The following PCDHA10 variants were observed in gnomAD, a reference collection of about 807,000 sequenced individuals.
PCDHA10 encodes the protein protocadherin alpha 10.
PCDHA10 carries 45 observed loss-of-function variants against 61.2 expected under a neutral mutation model. The ratio of observed to expected loss-of-function variants is 0.74; its 90% CI spans 0.58 to 0.94. The LOEUF (loss-of-function observed/expected upper bound fraction) is 0.94. Ranked by LOEUF, PCDHA10 falls within the 40% of genes least tolerant of loss-of-function variation. The pLI, the probability that PCDHA10 is intolerant of heterozygous loss-of-function variation, is 0.00. For missense variants in PCDHA10, 1,278 were observed against 1,236.2 expected (o/e 1.03, Z -0.51); for synonymous variants, 602 against 548.8 (o/e 1.10, Z -1.35).
chr5:140,870,339 G>A (rs1554164098), intron 1 of PCDHA10: 1 of 1,614,064 alleles, frequency 6.2e-7, no homozygotes, highest in East Asian at 2.2e-5. Context: ...ACAGCGCCCT[G>A]GACCGCGAGA....
intron 1 of PCDHA10, chr5:140,871,257 G>A (rs374337862): frequency 1.2e-6 from 2 of 1,613,940 alleles, no homozygotes; most frequent in Admixed American, 1.7e-5. Context: ...TGCTGTATAC[G>A]GCGCTGTGGT....
At chr5:140,893,987 T>A (rs112405686) in intron 1 of PCDHA10, among the ~76,000 whole-genome samples, 1 of 152,202 alleles carries the variant, frequency 6.6e-6, no homozygotes, top group Non-Finnish European at 1.5e-5. Context: ...TTTTAAAATA[T>A]CTCCAATTGT....
chr5:140,891,602 T>G (rs1002471186), intron 1 of PCDHA10, among the ~76,000 whole-genome samples: 16 of 152,184 alleles, frequency 1.1e-4, no homozygotes, highest in Non-Finnish European at 1.8e-4. Context: ...TCCCATCTAT[T>G]TCTACCTTTT....
intron 1 of PCDHA10, chr5:140,870,429 G>T (rs1198109995): frequency 6.2e-7 from 1 of 1,614,238 alleles, no homozygotes; most frequent in African/African-American, 1.3e-5. Flanking sequence ...GGGTATCCGT[G>T]GAGGTGGCCG....
intron 1 of PCDHA10, among the ~76,000 whole-genome samples, chr5:140,935,731 T>C (rs923257790): frequency 2.6e-5 from 4 of 152,202 alleles, no homozygotes; most frequent in Non-Finnish European, 4.4e-5. Context: ...AGAAGTCTAG[T>C]ATCTATTATT....
In PCDHA10 at chr5:140,936,310, T is replaced by C. The variant is rs541948860; in HGVS notation, c.2389-42639T>C. 5.3e-5 allele frequency among the ~76,000 whole-genome samples: 8 copies of C among 152,318 alleles called. No individual in the cohort carries two copies. The South Asian group carries it at 1.4e-3, about 28-fold the overall frequency. ...TATAACATTGCTATCCAATAGAACT[T>C]TCTGACATGCTATAAATTTTCTCTA... On this transcript the variant is annotated intron_variant, in intron 1 of 3. Transcript: ENST00000307360.
In PCDHA10 at chr5:140,857,593, G is replaced by C. The variant is rs782606088; in HGVS notation, c.1545G>C (p.Lys515Asn). ...SYVSVHAESG[K>N]VYALQPLDHE... is the part of the protein sequence containing the mutation. ...TGTCGGTGCACGCGGAGAGCGGCAAGGTGTACGCGCTGCAGCCGCTGGACC... is the reference window on the plus strand; with the variant it reads ...TGTCGGTGCACGCGGAGAGCGGCAACGTGTACGCGCTGCAGCCGCTGGACC... Residue 515 changes from lysine (K) to asparagine (N), a missense_variant, in exon 1 of 4, where the codon AAG (lysine) becomes AAC (asparagine). By Grantham distance (94) the Lys-to-Asn change is moderately conservative. Coordinates refer to ENST00000307360, the MANE Select transcript of PCDHA10 (RefSeq NM_018901.4). 2.5e-6 allele frequency: 4 copies of C among 1,596,536 alleles called. No individual in the cohort carries two copies. The East Asian group carries it at 6.7e-5, about 27-fold the overall frequency.
At chr5:140,941,406 T>C (rs1381146519) in intron 1 of PCDHA10, among the ~76,000 whole-genome samples, 1 of 146,240 alleles carries the variant, frequency 6.8e-6, no homozygotes, top group Non-Finnish European at 1.5e-5. Context: ...AACCTCCGCC[T>C]CCCGGGTTCA....
At chr5:140,897,175 G>A (rs1293904744) in intron 1 of PCDHA10, among the ~76,000 whole-genome samples, 3 of 151,828 alleles carry the variant, frequency 2.0e-5, no homozygotes, top group Admixed American at 6.6e-5. Flanking sequence ...ATCTCCATGG[G>A]TTCAAAAAAT....
chr5:140,871,419 C>A (rs1554165566), intron 1 of PCDHA10: 1 of 1,613,732 alleles, frequency 6.2e-7, no homozygotes. Flanking sequence ...TGGCCTTCAG[C>A]CCCAGTCTTC....
At chr5:140,888,394 C>T (rs1554183448) in intron 1 of PCDHA10, among the ~76,000 whole-genome samples, 2 of 152,134 alleles carry the variant, frequency 1.3e-5, no homozygotes, top group African/African-American at 2.4e-5. Flanking sequence ...TGCTAAACAC[C>T]ATCCAATTGC....
intron 1 of PCDHA10, chr5:140,928,443 G>A: frequency 6.2e-7 from 1 of 1,614,184 alleles, no homozygotes. Context: ...ACTTTGAGCA[G>A]CTCAGGGGGT....
At position 141,010,044 on chromosome 5, in the gene PCDHA10, G is replaced by C; in HGVS notation, c.*107G>C. Reference sequence around the variant, plus strand: ...TTTCCTATCTACATGAGCCCTCTTAGAGACCTCAGAAATCTGCAGAAAGTT... The same window carrying C: ...TTTCCTATCTACATGAGCCCTCTTACAGACCTCAGAAATCTGCAGAAAGTT... On this transcript the variant is annotated 3_prime_UTR_variant, in exon 4 of 4. Coordinates refer to ENST00000307360, the MANE Select transcript of PCDHA10 (RefSeq NM_018901.4). 1.3e-6 allele frequency: 2 copies of C among 1,594,604 alleles called. No individual in the cohort carries two copies. Among genetic ancestry groups the C allele is most frequent in the Non-Finnish European group, 1.7e-6 (2 of 1,171,226 alleles).
At chr5:140,998,738 A>G (rs1163158052) in intron 3 of PCDHA10, among the ~76,000 whole-genome samples, 1 of 151,972 alleles carries the variant, frequency 6.6e-6, no homozygotes, top group Non-Finnish European at 1.5e-5. Context: ...CTAATTTTGT[A>G]TTTTTAGAAG....
rs782025005 is a variant in PCDHA10 at position 140,982,513 on chromosome 5, G to C, written c.2486G>C (p.Gly829Ala). 83 of 1,614,076 alleles carry C rather than the reference G, an allele frequency of 5.1e-5. No homozygotes were observed. The highest frequency in any genetic ancestry group is 6.4e-5 in the Non-Finnish European group (75 of 1,180,040). ...GAGGAGGCTGGCATTCTACGGGCTG[G>C]TCCAGGAGGGCCTGATCAGCAGTGG... The part of the protein sequence containing the change: ...HLEEAGILRA[G>A]PGGPDQQWPT... The change falls in exon 3 of 4, where the codon GGT becomes GCT. Residue 829 changes from glycine (G) to alanine (A), a missense_variant. Transcript: ENST00000307360.
At chr5:140,964,446 G>A (rs782155669) in intron 1 of PCDHA10, among the ~76,000 whole-genome samples, 2 of 152,100 alleles carry the variant, frequency 1.3e-5, no homozygotes, top group Non-Finnish European at 2.9e-5. Context: ...CTCTGCCACT[G>A]TAATCTCTTC....
chr5:140,941,191 T>TTTTTCTTTCTTTC lies in PCDHA10; in HGVS notation c.2389-37755_2389-37754insTCTTTCTTTCTTT, dbSNP rs1554213809. On this transcript the variant is annotated intron_variant, in intron 1 of 3. Transcript: ENST00000307360. ...CATCTTGAACATCCTGCTTCTTTTT[T>TTTTTCTTTCTTTC]TTTCTTTCTTCCTTTCTTTCTTCCT... Among the ~76,000 whole-genome samples the TTTTTCTTTCTTTC allele has an allele frequency of 1.3e-4, 12 of 93,256 alleles. No individual in the cohort carries two copies. In the East Asian group the frequency reaches 2.9e-3, roughly 23 times the overall value. 61.2% of individuals were successfully genotyped at this position (93,256 alleles called of 152,430 possible). A position where few individuals can be genotyped will look rare whatever the true frequency, so the allele number is the denominator to read the frequency against.
rs2044423092 is a variant in PCDHA10 at position 140,857,209 on chromosome 5, T to C, written c.1161T>C (p.Ser387=). The change falls in exon 1 of 4, where the codon TCT becomes TCC. Residue 387 remains serine (S), a synonymous_variant. Coordinates refer to ENST00000307360, the MANE Select transcript of PCDHA10 (RefSeq NM_018901.4). The part of the protein sequence containing the change: ...DSGANGQVTC[S]LTPHVPFKLV... ...GAGCCAACGGACAGGTCACCTGCTCTCTGACGCCTCACGTTCCGTTCAAGC... is the reference window on the plus strand; with the variant it reads ...GAGCCAACGGACAGGTCACCTGCTCCCTGACGCCTCACGTTCCGTTCAAGC... The C allele has an allele frequency of 6.3e-7, 1 of 1,598,580 alleles. No homozygotes were observed. The highest frequency in any genetic ancestry group is 1.1e-5 in the South Asian group (1 of 90,554).
chr5:140,969,822 G>A (rs559271640), intron 1 of PCDHA10, among the ~76,000 whole-genome samples: 68 of 152,320 alleles, frequency 4.5e-4, no homozygotes, highest in Non-Finnish European at 8.4e-4. Flanking sequence ...ACTCTGGACT[G>A]TCTACAGTGG....
Sources: gnomAD v4.1 joint callset for allele counts (sites outside exome capture counted in the v4.1 genomes callset) on GRCh38, gnomAD v4.1.1 for gene constraint, MANE v1.5 for transcripts, NCBI Gene and HGNC (gene_info 2026-07-23, HGNC 2026-07-21) for gene names.